Variants in PSAP observed in about 807,000 individuals in gnomAD.
PSAP encodes prosaposin.
A neutral mutation model predicts 66.0 loss-of-function variants in PSAP; 25 were observed. The ratio of observed to expected loss-of-function variants is 0.38; its 90% CI spans 0.28 to 0.53. The LOEUF (loss-of-function observed/expected upper bound fraction) is 0.53, where lower values mean the gene tolerates loss of function less well. Among genes scored for constraint, PSAP ranks in the 20% least tolerant of loss-of-function variants. PSAP has a pLI of 0.83. For missense variants in PSAP, 649 were observed against 668.8 expected (o/e 0.97, Z 0.33); for synonymous variants, 273 against 258.9 (o/e 1.05, Z -0.52).
intron 5 of PSAP, 32 bp downstream of exon 5, chr10:71,828,845 A>G: frequency 6.2e-7 from 1 of 1,612,352 alleles, no homozygotes; most frequent in Middle Eastern, 1.8e-4. Context: ...GCAACCAAAA[A>G]TGGGTCCTCA....
chr10:71,818,962 C>T lies in PSAP; in HGVS notation c.1431+69G>A, dbSNP rs1589445887. 4.1e-6 allele frequency: 6 copies of T among 1,452,262 alleles called. No homozygotes were observed. The East Asian group carries it at 6.9e-5, about 17-fold the overall frequency. The allele number at this position is 1,452,262 out of a possible 1,614,324, so 90.0% of individuals were successfully genotyped here. The stretch of plus-strand genomic sequence containing the variant: ...CCCCACGGCCAAGTCTCAGAGCAAC[C>T]CTTCCGGGTCTCTGCAGCCCCCCAG... On this transcript the variant is annotated intron_variant, in intron 12 of 13. Transcript: ENST00000394936.
At chr10:71,827,309 G>A (rs1360993376) in intron 6 of PSAP, among the ~76,000 whole-genome samples, 1 of 151,640 alleles carries the variant, frequency 6.6e-6, no homozygotes, top group Non-Finnish European at 1.5e-5. Flanking sequence ...TGAGGCAGGA[G>A]AATGGCGTGA....
At chr10:71,828,753 A>T in intron 5 of PSAP, 124 bp downstream of exon 5, 1 of 990,302 alleles carries the variant, frequency 1.0e-6, no homozygotes, top group Non-Finnish European at 1.5e-6. Context: ...GGCTCATGTG[A>T]CTGCAGAGTC....
At chr10:71,844,050 G>C (rs560080585) in intron 1 of PSAP, among the ~76,000 whole-genome samples, 7 of 152,256 alleles carry the variant, frequency 4.6e-5, no homozygotes, top group Non-Finnish European at 8.8e-5. Context: ...TATTGTTTAA[G>C]AAAACAAGAA....
chr10:71,849,307 C>A (rs1199535574), intron 1 of PSAP, among the ~76,000 whole-genome samples: 1 of 152,228 alleles, frequency 6.6e-6, no homozygotes, highest in Non-Finnish European at 1.5e-5. Flanking sequence ...TTCTTGAGAG[C>A]TGCTGAAAGC....
intron 1 of PSAP, among the ~76,000 whole-genome samples, chr10:71,844,005 T>TC (rs1367416492): frequency 3.9e-5 from 6 of 152,362 alleles, no homozygotes; most frequent in African/African-American, 1.4e-4. Context: ...TTTAAGTACA[T>TC]CTATCTGTGT....
At position 71,831,145 on chromosome 10, in the gene PSAP, T is replaced by C. The variant is rs774485352; in HGVS notation, c.356A>G (p.Asp119Gly). ...ACTTACCATTTCTCCTTTAATGATG[T>C]CCAGGATGACAGGGAGGTAGGAGTC... The part of the protein sequence containing the change: ...IVDSYLPVIL[D>G]IIKGEMSRPG... Residue 119 changes from aspartate (D) to glycine (G), a missense_variant, in exon 4 of 14, where the codon GAC (aspartate) becomes GGC (glycine). Asp to Gly is a moderately conservative substitution (Grantham distance 94). Coordinates refer to ENST00000394936, the MANE Select transcript of PSAP (RefSeq NM_002778.4). 1.2e-6 allele frequency: 2 copies of C among 1,614,082 alleles called. No homozygotes were observed. The highest frequency in any genetic ancestry group is 3.3e-5 in the Admixed American group (2 of 60,012).
At chr10:71,826,102 G>A (rs890111763) in intron 6 of PSAP, among the ~76,000 whole-genome samples, 1 of 152,218 alleles carries the variant, frequency 6.6e-6, no homozygotes, top group African/African-American at 2.4e-5. Flanking sequence ...GGAAATGTGT[G>A]CAAAAGACGT....
intron 1 of PSAP, among the ~76,000 whole-genome samples, chr10:71,850,521 T>C (rs1179224181): frequency 2.0e-5 from 3 of 152,116 alleles, no homozygotes; most frequent in Non-Finnish European, 2.9e-5. Flanking sequence ...CCCGAAAATA[T>C]GTAAAACCCA....
chr10:71,831,313 G>A, intron 3 of PSAP, 62 bp from the exon 4 acceptor site: 1 of 1,596,814 alleles, frequency 6.3e-7, no homozygotes. Flanking sequence ...TAAATGGGCT[G>A]AAGGCAAGAG....
chr10:71,830,800 G>A (rs905528665), intron 4 of PSAP, among the ~76,000 whole-genome samples: 3 of 152,224 alleles, frequency 2.0e-5, no homozygotes, highest in African/African-American at 7.2e-5. Context: ...TCACAGAAGT[G>A]AGGTTTTGTG....
chr10:71,834,329 A>C (rs766051339), intron 2 of PSAP, 43 bp downstream of exon 2: 1 of 1,611,732 alleles, frequency 6.2e-7, no homozygotes, highest in Non-Finnish European at 8.5e-7. Flanking sequence ...AAGGGGACCC[A>C]AGAGGAGTGC....
At chr10:71,828,460 A>G (rs1012482932) in intron 5 of PSAP, among the ~76,000 whole-genome samples, 1 of 152,124 alleles carries the variant, frequency 6.6e-6, no homozygotes, top group Non-Finnish European at 1.5e-5. Flanking sequence ...GTTTGAGACC[A>G]GTCTGAGCAA....
At chr10:71,833,284 C>A (rs117865657) in intron 2 of PSAP, among the ~76,000 whole-genome samples, 6,704 of 152,186 alleles carry the variant, frequency 0.044, 207 homozygotes, top group Admixed American at 0.095. Context: ...ATGGTAAAAA[C>A]ACTATCTCTA....
intron 2 of PSAP, among the ~76,000 whole-genome samples, chr10:71,833,033 A>AAAAAAAC (rs1564821821): frequency 2.5e-5 from 3 of 122,134 alleles, no homozygotes; most frequent in African/African-American, 8.3e-5. Flanking sequence ...AAAAAAAAAC[A>AAAAAAAC]AAAAACAAAA....
intron 2 of PSAP, among the ~76,000 whole-genome samples, chr10:71,833,032 C>CAAAAAAAAA (rs1220122223): frequency 1.0e-5 from 1 of 95,362 alleles, no homozygotes; most frequent in Non-Finnish European, 2.0e-5. Flanking sequence ...AAAAAAAAAA[C>CAAAAAAAAA]AAAAAACAAA....
At position 71,837,192 on chromosome 10, in the gene PSAP, A is replaced by G. The variant is rs1002266455; in HGVS notation, c.41-2687T>C. Among the ~76,000 whole-genome samples, 6 of 152,298 alleles carry G rather than the reference A, an allele frequency of 3.9e-5. No homozygotes were observed. The South Asian group carries it at 1.0e-3, about 26-fold the overall frequency. On this transcript the variant is annotated intron_variant, in intron 1 of 13. Transcript: ENST00000394936. ...AGCAAGACACCCCCTTCTACCTCCAACCACAAGCCAAACATAAAGGTGCAT... is the reference window on the plus strand; with the variant it reads ...AGCAAGACACCCCCTTCTACCTCCAGCCACAAGCCAAACATAAAGGTGCAT...
chr10:71,828,771 G>A, intron 5 of PSAP, 106 bp downstream of exon 5: 2 of 1,259,496 alleles, frequency 1.6e-6, no homozygotes, highest in South Asian at 1.3e-5. Context: ...GTCACGCACA[G>A]GGATAAGCCC....
intron 4 of PSAP, among the ~76,000 whole-genome samples, chr10:71,829,496 G>C (rs1842469047): frequency 1.3e-5 from 2 of 152,158 alleles, no homozygotes; most frequent in Admixed American, 1.3e-4. Flanking sequence ...ATGCTCTCTT[G>C]CCTGCTGCCA....
Sources: gnomAD v4.1 joint callset for allele counts (sites outside exome capture counted in the v4.1 genomes callset) on GRCh38, gnomAD v4.1.1 for gene constraint, MANE v1.5 for transcripts, NCBI Gene and HGNC (gene_info 2026-07-23, HGNC 2026-07-21) for gene names.